Variants in NOS1 observed in about 807,000 individuals in gnomAD.
The protein encoded by NOS1 is nitric oxide synthase 1.
NOS1 carries 51 observed loss-of-function variants against 164.5 expected under a neutral mutation model. The observed-to-expected ratio is 0.31, with a 90% CI of 0.25 to 0.39. The LOEUF (loss-of-function observed/expected upper bound fraction) is 0.39, where lower values mean the gene tolerates loss of function less well. Among genes scored for constraint, NOS1 ranks in the 10% least tolerant of loss-of-function variants. NOS1 has a pLI of 1.00. For synonymous variants in NOS1, 719 were observed against 745.8 expected (o/e 0.96, Z 0.59); for missense variants, 1,362 against 1,885.6 (o/e 0.72, Z 5.14).
rs1956525560 is a variant in NOS1 at position 117,211,391 on chromosome 12, T to A, written c.*3918A>T. On this transcript the variant is annotated 3_prime_UTR_variant, in exon 29 of 29. Transcript: ENST00000317775. ...CTCACTCAAGCCTTGGTTGCAGCAA[T>A]AACCCCCCCAACAGCTCAACGGGCC... The A allele has an allele frequency of 1.0e-6, 1 of 985,294 alleles. No homozygotes were observed. The highest frequency in any genetic ancestry group is 6.2e-5 in the Admixed American group (1 of 16,248). The allele number at this position is 985,294 out of a possible 1,614,324, so 61.0% of individuals were successfully genotyped here.
chr12:117,267,999 T>C, intron 11 of NOS1, 44 bp downstream of exon 11: 1 of 1,382,728 alleles, frequency 7.2e-7, no homozygotes, highest in Non-Finnish European at 1.0e-6. Context: ...AGGTTTGAAC[T>C]CTCATTTGAA....
intron 1 of NOS1, among the ~76,000 whole-genome samples, chr12:117,351,765 A>C (rs1876629722): frequency 6.6e-6 from 1 of 152,264 alleles, no homozygotes; most frequent in Non-Finnish European, 1.5e-5. Context: ...AATGAGATTT[A>C]CAGAGAGATT....
intron 23 of NOS1, among the ~76,000 whole-genome samples, chr12:117,226,993 C>T (rs190264727): frequency 1.4e-4 from 21 of 152,178 alleles, no homozygotes; most frequent in Non-Finnish European, 2.8e-4. Context: ...GGGTCGGATT[C>T]GAATCCTTCC....
At chr12:117,228,786 A>C (rs1868927025) in intron 22 of NOS1, among the ~76,000 whole-genome samples, 1 of 151,928 alleles carries the variant, frequency 6.6e-6, no homozygotes, top group Non-Finnish European at 1.5e-5. Flanking sequence ...ACTTTTTTAA[A>C]TTTATTTTTT....
rs763345358 is a variant in NOS1, at chr12:117,243,371, A to G, written c.2888T>C (p.Ile963Thr). The G allele has an allele frequency of 7.1e-5, 114 of 1,613,980 alleles. No individual in the cohort carries two copies. Among genetic ancestry groups the G allele is most frequent in the Non-Finnish European group, 1.9e-5 (22 of 1,180,030 alleles). The change falls in exon 19 of 29, where the codon ATC becomes ACC. Residue 963 changes from isoleucine (I) to threonine (T), a missense_variant. By Grantham distance (89) the Ile-to-Thr change is moderately conservative (BLOSUM62 -1). Transcript: ENST00000317775. This position sits in a 1 kb window ranked among gnomAD's most constrained non-coding sequence, Gnocchi z 4.3. The part of the protein sequence containing the change: ...VNIEKANNSL[I>T]SNDRSWKRNK... ...TCTCTTCCAGCTGCGATCATTGCTG[A>G]TGAGGGAATTGTTGGCCTTTTCAAT...
chr12:117,328,342 G>C (rs535669636), intron 2 of NOS1, among the ~76,000 whole-genome samples: 169 of 151,744 alleles, frequency 1.1e-3, no homozygotes, highest in African/African-American at 3.8e-3. Context: ...GGCTAATTTT[G>C]TATTTTTAGT....
At chr12:117,340,657 G>A (rs1876056444) in intron 1 of NOS1, among the ~76,000 whole-genome samples, 1 of 152,078 alleles carries the variant, frequency 6.6e-6, no homozygotes, top group African/African-American at 2.4e-5. Flanking sequence ...AGCCTCCTGA[G>A]TAGCTGGGAC....
Position 117,341,147 on chromosome 12 carries a change from C to T in NOS1, c.-420-9658G>A, listed in dbSNP as rs1469381662. 2.0e-5 allele frequency among the ~76,000 whole-genome samples: 3 copies of T among 152,118 alleles called. No homozygotes were observed. The East Asian group carries it at 5.8e-4, about 29-fold the overall frequency. On this transcript the variant is annotated intron_variant, in intron 1 of 28. Transcript: ENST00000317775. ...CGTAAGCAGTCATTTTTCTATTGAGCATCCGTAGTGTCTGGTGGATGTGCT... is the reference window on the plus strand; with the variant it reads ...CGTAAGCAGTCATTTTTCTATTGAGTATCCGTAGTGTCTGGTGGATGTGCT...
chr12:117,266,334 C>CA (rs1872411926), intron 11 of NOS1, among the ~76,000 whole-genome samples: 1 of 152,126 alleles, frequency 6.6e-6, no homozygotes, highest in Non-Finnish European at 1.5e-5. Context: ...GCTTAGCTCC[C>CA]ACTAATGAGT....
At chr12:117,343,778 T>C (rs1464221650) in intron 1 of NOS1, among the ~76,000 whole-genome samples, 1 of 152,214 alleles carries the variant, frequency 6.6e-6, no homozygotes, top group Non-Finnish European at 1.5e-5. Flanking sequence ...CTTTCTGGTG[T>C]AGGGGAGCTG....
Position 117,213,853 on chromosome 12 carries a change from G to T in NOS1, c.*1456C>A. ...TGTAGTATTTAAAAAAGTATACAAA[G>T]GGATCCCTTCCCACCATTTACTCTG... On this transcript the variant is annotated 3_prime_UTR_variant, in exon 29 of 29. Transcript: ENST00000317775. 3.1e-6 allele frequency: 3 copies of T among 980,524 alleles called. No homozygotes were observed. Among genetic ancestry groups the T allele is most frequent in the Non-Finnish European group, 3.6e-6 (3 of 829,624 alleles). The allele number at this position is 980,524 out of a possible 1,614,324, so 60.7% of individuals were successfully genotyped here.
chr12:117,257,724 C>T (rs1362691873), intron 16 of NOS1, among the ~76,000 whole-genome samples: 4 of 147,728 alleles, frequency 2.7e-5, no homozygotes, highest in Non-Finnish European at 4.4e-5. Context: ...TATAGGTGTG[C>T]ACTACCATGC....
chr12:117,324,741 T>C (rs1006830940), intron 2 of NOS1, among the ~76,000 whole-genome samples: 2 of 100,948 alleles, frequency 2.0e-5, no homozygotes, highest in Non-Finnish European at 4.1e-5. Flanking sequence ...ATAAATAAAG[T>C]GACTGCTCCC....
intron 13 of NOS1, among the ~76,000 whole-genome samples, chr12:117,262,263 C>T (rs1871964462): frequency 1.3e-5 from 2 of 152,056 alleles, no homozygotes; most frequent in Non-Finnish European, 2.9e-5. Context: ...TTAGATTTCT[C>T]CCTCCCCTTT....
At chr12:117,292,454 G>A (rs1457821009) in intron 3 of NOS1, among the ~76,000 whole-genome samples, 3 of 152,210 alleles carry the variant, frequency 2.0e-5, no homozygotes, top group Non-Finnish European at 2.9e-5. Flanking sequence ...GCTGGTGACG[G>A]TAGCTGTGAA....
At chr12:117,217,180 A>C (rs1956625076) in intron 28 of NOS1, among the ~76,000 whole-genome samples, 1 of 152,148 alleles carries the variant, frequency 6.6e-6, no homozygotes, top group Non-Finnish European at 1.5e-5. Context: ...GTGAATTATA[A>C]TTTGTGTTGA....
Position 117,227,563 on chromosome 12 carries a change from G to T in NOS1, c.3484C>A (p.Gln1162Lys). ...GTCAGGAGCAGGGTGGCCGGCATCT[G>T]GATAGATGGGAACTCCTCCAGCACC... ...VEVLEEFPSI[Q>K]MPATLLLTQL... The change falls in exon 23 of 29, where the codon CAG becomes AAG. Residue 1162 changes from glutamine (Q) to lysine (K), a missense_variant. Coordinates refer to ENST00000317775, the MANE Select transcript of NOS1 (RefSeq NM_000620.5). 1 of 1,613,814 alleles carries T rather than the reference G, an allele frequency of 6.2e-7. No homozygotes were observed. The highest frequency in any genetic ancestry group is 8.5e-7 in the Non-Finnish European group (1 of 1,179,862).
rs1466920599 is a variant in NOS1, at chr12:117,212,492, A to G, written c.*2817T>C. Reference sequence around the variant, plus strand: ...AACATCATCTCTCTGCTCTTTCACGACACAAGCTGTGGGAACTGGATGCAT... The same window carrying G: ...AACATCATCTCTCTGCTCTTTCACGGCACAAGCTGTGGGAACTGGATGCAT... On this transcript the variant is annotated 3_prime_UTR_variant, in exon 29 of 29. Transcript: ENST00000317775. 1 of 985,234 alleles carries G rather than the reference A, an allele frequency of 1.0e-6. No individual in the cohort carries two copies. Among genetic ancestry groups the G allele is most frequent in the Non-Finnish European group, 1.2e-6 (1 of 829,942 alleles). 61.0% of individuals were successfully genotyped at this position (985,234 alleles called of 1,614,324 possible).
chr12:117,335,981 A>G (rs1875801099), intron 1 of NOS1, among the ~76,000 whole-genome samples: 1 of 152,166 alleles, frequency 6.6e-6, no homozygotes, highest in African/African-American at 2.4e-5. Flanking sequence ...TGCTGTGTCT[A>G]CAGGCATGAG....
Sources: allele counts gnomAD v4.1 joint callset (sites outside exome capture counted in the v4.1 genomes callset), GRCh38; gene constraint gnomAD v4.1.1; non-coding constraint Gnocchi (gnomAD v3.1); transcripts MANE v1.5; gene names NCBI Gene and HGNC (gene_info 2026-07-23, HGNC 2026-07-21).